Variants in IGHMBP2 observed in about 807,000 individuals in gnomAD.
The protein encoded by IGHMBP2 is immunoglobulin mu DNA binding protein 2.
Under a neutral mutation model 96.0 loss-of-function variants are expected in IGHMBP2, and 81 were observed. That is an observed-to-expected ratio of 0.84 (90% CI 0.71 to 1.01). The LOEUF is 1.01. Among genes scored for constraint, IGHMBP2 ranks in the 50% least tolerant of loss-of-function variants. IGHMBP2 has a pLI of 0.00. For missense variants in IGHMBP2, 1,227 were observed against 1,306.3 expected (o/e 0.94, Z 0.94); for synonymous variants, 557 against 548.9 (o/e 1.01, Z -0.21).
intron 8 of IGHMBP2, chr11:68,932,695 G>A (rs1859359696): frequency 1.2e-5 from 2 of 163,172 alleles, no homozygotes; most frequent in East Asian, 1.7e-4. Flanking sequence ...TTCGTTCCCT[G>A]TTATGGCTGT....
chr11:68,917,861 CGTG>C lies in IGHMBP2; in HGVS notation c.1041_1043del (p.Val348del), dbSNP rs1858730437. 4 of 1,614,104 alleles carry C rather than the reference CGTG, an allele frequency of 2.5e-6. No individual in the cohort carries two copies. Among genetic ancestry groups the C allele is most frequent in the Non-Finnish European group, 3.4e-6 (4 of 1,179,990 alleles). On this transcript the variant is annotated inframe_deletion, in exon 7 of 15. Transcript: ENST00000255078. ...TGCTCGAGAGCCTCACTTCGGCAAACGTGGTCCTTGCAACAAACACAGGTGAGG... is the reference window on the plus strand; with the variant it reads ...TGCTCGAGAGCCTCACTTCGGCAAACGTCCTTGCAACAAACACAGGTGAGG...
At chr11:68,909,656 C>T (rs1858354285) in intron 4 of IGHMBP2, among the ~76,000 whole-genome samples, 1 of 145,182 alleles carries the variant, frequency 6.9e-6, no homozygotes, top group South Asian at 2.2e-4. Context: ...GAGACGGAGA[C>T]TTGCTCTGTC....
chr11:68,917,980 AT>A lies in IGHMBP2; in HGVS notation c.1060+100del, dbSNP rs1411714101. ...CTGGAAGAGTTTGTTTAGAATTGGT[AT>A]TTCTTTCTTAAAAGTTGGGTAGGGT... is the stretch of plus-strand genomic sequence containing the variant. On this transcript the variant is annotated intron_variant, in intron 7 of 14. Coordinates refer to ENST00000255078, the MANE Select transcript of IGHMBP2 (RefSeq NM_002180.3). The A allele has an allele frequency of 2.2e-6, 3 of 1,384,108 alleles. No individual in the cohort carries two copies. In the African/African-American group the frequency reaches 4.3e-5, roughly 20 times the overall value. The allele number at this position is 1,384,108 out of a possible 1,614,324, so 85.7% of individuals were successfully genotyped here. A position where few individuals can be genotyped will look rare whatever the true frequency, so the allele number is the denominator to read the frequency against.
intron 11 of IGHMBP2, 117 bp downstream of exon 11, chr11:68,934,675 G>A (rs574620871): frequency 1.2e-6 from 1 of 803,384 alleles, no homozygotes; most frequent in African/African-American, 1.7e-5. Context: ...GGGTAGGGCT[G>A]ACCTTATTGT....
At chr11:68,923,361 C>G (rs542004669) in intron 7 of IGHMBP2, among the ~76,000 whole-genome samples, 1 of 152,148 alleles carries the variant, frequency 6.6e-6, no homozygotes, top group African/African-American at 2.4e-5. Context: ...CGCTACCATG[C>G]CCGGCTAATT....
chr11:68,918,191 GCCC>G (rs1858742235), intron 7 of IGHMBP2, among the ~76,000 whole-genome samples: 1 of 151,966 alleles, frequency 6.6e-6, no homozygotes. Flanking sequence ...TTCCTAATAT[GCCC>G]TTATTCTTCT....
chr11:68,910,159 C>T (rs11228403), intron 4 of IGHMBP2, among the ~76,000 whole-genome samples: 28,067 of 152,188 alleles, frequency 0.18, 3,032 homozygotes, highest in Non-Finnish European at 0.25. Context: ...ACACACAGGA[C>T]GACTTTGTAG....
intron 1 of IGHMBP2, among the ~76,000 whole-genome samples, chr11:68,904,318 C>T (rs2154006395): frequency 6.6e-6 from 1 of 152,304 alleles, no homozygotes; most frequent in Non-Finnish European, 1.5e-5. Flanking sequence ...GGCCCCGACC[C>T]CAGTTCCACC....
At chr11:68,931,966 G>T (rs1289302971) in intron 8 of IGHMBP2, among the ~76,000 whole-genome samples, 1 of 151,474 alleles carries the variant, frequency 6.6e-6, no homozygotes, top group Non-Finnish European at 1.5e-5. Context: ...GGAGAGAGTA[G>T]GATGGTTTTG....
chr11:68,909,613 T>C (rs1858351997), intron 4 of IGHMBP2, among the ~76,000 whole-genome samples: 1 of 152,060 alleles, frequency 6.6e-6, no homozygotes, highest in South Asian at 2.1e-4. Context: ...TGATAGCAAT[T>C]TTAGGTTGGA....
chr11:68,933,689 T>C, intron 9 of IGHMBP2, 106 bp from the exon 10 acceptor site: 1 of 1,046,704 alleles, frequency 9.6e-7, no homozygotes, highest in Non-Finnish European at 1.5e-6. Flanking sequence ...CTCATTGTCC[T>C]CCCCTACCTA....
Position 68,934,473 on chromosome 11 carries a change from G to A in IGHMBP2, c.1547G>A (p.Arg516His), listed in dbSNP as rs373017768. 7.5e-6 allele frequency: 12 copies of A among 1,608,934 alleles called. No individual in the cohort carries two copies. Among genetic ancestry groups the A allele is most frequent in the East Asian group, 2.2e-5 (1 of 44,706 alleles). The stretch of plus-strand genomic sequence containing the variant: ...CTTTCTTTCCCTCCAGGCGAAGTCC[G>A]CCTCGTCAGTTTGCACATCCAGGCT... The part of the protein sequence containing the change: ...EQSKGNPGEV[R>H]LVSLHIQALV... Residue 516 changes from arginine to histidine, a missense_variant, in exon 11 of 15, where the codon CGC (arginine) becomes CAC (histidine). Physicochemically the swap from Arg to His is conservative, Grantham distance 29. Transcript: ENST00000255078.
At chr11:68,913,062 A>AAAAAAAC (rs1858504601) in intron 5 of IGHMBP2, among the ~76,000 whole-genome samples, 2 of 149,722 alleles carry the variant, frequency 1.3e-5, no homozygotes, top group Non-Finnish European at 1.5e-5. Flanking sequence ...AAAAAAAAAA[A>AAAAAAAC]AAAAAACCAA....
chr11:68,940,500 C>G lies in IGHMBP2; in HGVS notation c.*769C>G, dbSNP rs1008257104. The G allele has an allele frequency of 4.6e-5, 7 of 152,242 alleles. No individual in the cohort carries two copies. The highest frequency in any genetic ancestry group is 1.4e-4 in the African/African-American group (6 of 41,452). 9.4% of individuals were successfully genotyped at this position (152,242 alleles called of 1,614,324 possible). A position where few individuals can be genotyped will look rare whatever the true frequency, so the allele number is the denominator to read the frequency against. Reference sequence around the variant, plus strand: ...GGCCTTCTCCGGTGTCCTGTACCAACTCTTCTATTTAAGAGAACCTCAGAT... The same window carrying G: ...GGCCTTCTCCGGTGTCCTGTACCAAGTCTTCTATTTAAGAGAACCTCAGAT... On this transcript the variant is annotated 3_prime_UTR_variant, in exon 15 of 15. Coordinates refer to ENST00000255078, the MANE Select transcript of IGHMBP2 (RefSeq NM_002180.3).
At chr11:68,933,163 C>T (rs1385683921) in intron 8 of IGHMBP2, 136 bp from the exon 9 acceptor site, 38 of 901,160 alleles carry the variant, frequency 4.2e-5, no homozygotes, top group Non-Finnish European at 6.1e-5. Context: ...AAACCCGCCC[C>T]TTGGTTACTT....
At position 68,904,803 on chromosome 11, in the gene IGHMBP2, C is replaced by CTTTTCTTTTTTTTTTT. The variant is rs892709461; in HGVS notation, c.86+769_86+770insCTTTTTTTTTTTTTTT. ...GTGTAAGTTTCTTTTTTTTCTTTTT[C>CTTTTCTTTTTTTTTTT]TTTTTTTTTTTTTTAGACAGAGTCT... On this transcript the variant is annotated intron_variant, in intron 1 of 14. Transcript: ENST00000255078. Among the ~76,000 whole-genome samples, 255 of 120,884 alleles carry CTTTTCTTTTTTTTTTT rather than the reference C, an allele frequency of 2.1e-3. 18 individuals carry two copies. Among genetic ancestry groups the CTTTTCTTTTTTTTTTT allele is most frequent in the Middle Eastern group, 5.3e-3 (1 of 188 alleles). 79.3% of individuals were successfully genotyped at this position (120,884 alleles called of 152,430 possible).
At chr11:68,910,881 CAAAAAA>C (rs10599717) in intron 4 of IGHMBP2, among the ~76,000 whole-genome samples, 1 of 120,826 alleles carries the variant, frequency 8.3e-6, no homozygotes, top group Admixed American at 8.4e-5. Flanking sequence ...GACTCCATCT[CAAAAAA>C]AAAAAAAAAA....
In IGHMBP2 at chr11:68,940,085, T is replaced by C. The variant is rs1275754775; in HGVS notation, c.*354T>C. 3.5e-6 allele frequency: 1 copy of C among 283,324 alleles called. No homozygotes were observed. The highest frequency in any genetic ancestry group is 2.2e-5 in the African/African-American group (1 of 45,810). The allele number at this position is 283,324 out of a possible 1,614,324, so 17.6% of individuals were successfully genotyped here. On this transcript the variant is annotated 3_prime_UTR_variant, in exon 15 of 15. Coordinates refer to ENST00000255078, the MANE Select transcript of IGHMBP2 (RefSeq NM_002180.3). The stretch of plus-strand genomic sequence containing the variant: ...CTCAAACTTGAAGTCACTCCTCCAA[T>C]GTCTGGGACTTGCCAGCTCAGCCCG...
In IGHMBP2 at chr11:68,929,196, T is replaced by C. The variant is rs1419120176; in HGVS notation, c.1074T>C (p.Asp358=). The change falls in exon 8 of 15, where the codon GAT becomes GAC. Residue 358 remains aspartate, a synonymous_variant. Coordinates refer to ENST00000255078, the MANE Select transcript of IGHMBP2 (RefSeq NM_002180.3). The part of the protein sequence containing the change: ...VLATNTGASA[D]GPLKLLPESY... ...TGTTTCCACCAGGTGCGTCTGCCGATGGCCCCCTGAAGTTGCTGCCCGAGA... is the reference window on the plus strand; with the variant it reads ...TGTTTCCACCAGGTGCGTCTGCCGACGGCCCCCTGAAGTTGCTGCCCGAGA... 7 of 1,613,236 alleles carry C rather than the reference T, an allele frequency of 4.3e-6. No individual in the cohort carries two copies. The highest frequency in any genetic ancestry group is 4.0e-5 in the African/African-American group (3 of 75,060).
Sources: allele counts gnomAD v4.1 joint callset (sites outside exome capture counted in the v4.1 genomes callset), GRCh38; gene constraint gnomAD v4.1.1; transcripts MANE v1.5; gene names NCBI Gene and HGNC (gene_info 2026-07-23, HGNC 2026-07-21).